The following GRM7 variants were observed in gnomAD, a reference collection of about 807,000 sequenced individuals.
GRM7 encodes metabotropic glutamate receptor 7.
GRM7 carries 35 observed loss-of-function variants against 84.5 expected under a neutral mutation model. That is an observed-to-expected ratio of 0.41 (90% CI 0.32 to 0.55). The LOEUF (loss-of-function observed/expected upper bound fraction) is 0.55, where lower values mean the gene tolerates loss of function less well. Among genes scored for constraint, GRM7 ranks in the 20% least tolerant of loss-of-function variants. The probability of loss-of-function intolerance (pLI) is 0.19; values close to 1 mark genes in which losing one functional copy is unlikely to be tolerated. For missense variants in GRM7, 1,003 were observed against 1,194.6 expected, an observed-to-expected ratio of 0.84 and a Z score of 2.36; for synonymous variants, 487 against 455.1, an observed-to-expected ratio of 1.07 and a Z score of -0.89.
intron 4 of GRM7, among the ~76,000 whole-genome samples, chr3:7,318,202 G>GT (rs1237824285): frequency 4.6e-5 from 7 of 151,982 alleles, no homozygotes; most frequent in South Asian, 4.1e-4. Context: ...CAATTTATTT[G>GT]TTTTTTTATC....
chr3:7,625,913 G>A (rs772561693), intron 8 of GRM7, among the ~76,000 whole-genome samples: 1 of 152,136 alleles, frequency 6.6e-6, no homozygotes, highest in Non-Finnish European at 1.5e-5. Context: ...AGAAAAGGGT[G>A]AGAAAGGACT....
chr3:7,352,308 G>C (rs1013699350), intron 4 of GRM7, among the ~76,000 whole-genome samples: 2 of 152,034 alleles, frequency 1.3e-5, no homozygotes, highest in Non-Finnish European at 2.9e-5. Context: ...GAAGCAAGGA[G>C]TTCAGTGACT....
chr3:7,669,746 T>C (rs896743207), intron 8 of GRM7, among the ~76,000 whole-genome samples: 11 of 152,220 alleles, frequency 7.2e-5, no homozygotes, highest in African/African-American at 2.4e-4. Flanking sequence ...AAATGGGTCT[T>C]GGGAAGGCAA....
intron 1 of GRM7, among the ~76,000 whole-genome samples, chr3:7,008,250 G>A (rs903884718): frequency 4.6e-5 from 7 of 152,166 alleles, no homozygotes; most frequent in African/African-American, 1.7e-4. Context: ...TGGCTGTGCA[G>A]CATTTATGCA....
chr3:6,925,417 G>C (rs1189431035), intron 1 of GRM7, among the ~76,000 whole-genome samples: 1 of 151,746 alleles, frequency 6.6e-6, no homozygotes, highest in Non-Finnish European at 1.5e-5. Flanking sequence ...AGAAGGTTAC[G>C]TTGTTTTATC....
intron 1 of GRM7, among the ~76,000 whole-genome samples, chr3:6,866,916 A>C (rs147404032): frequency 1.3e-5 from 2 of 152,172 alleles, no homozygotes; most frequent in Non-Finnish European, 2.9e-5. Flanking sequence ...TGGGAACACT[A>C]TCTCCTCTCT....
Position 7,238,649 on chromosome 3 carries a change from A to T in GRM7, c.737-60035A>T, listed in dbSNP as rs113116429. 3.2e-3 allele frequency among the ~76,000 whole-genome samples: 483 copies of T among 152,300 alleles called. 1 individual carries two copies. Among genetic ancestry groups the T allele is most frequent in the Non-Finnish European group, 5.9e-3 (398 of 68,026 alleles). ...CCTAAAGCCATTTAACATATTCAAAAGTCAGGTGGGACTGTGGCCAGCTTG... is the reference window on the plus strand; with the variant it reads ...CCTAAAGCCATTTAACATATTCAAATGTCAGGTGGGACTGTGGCCAGCTTG... On this transcript the variant is annotated intron_variant, in intron 2 of 9. Transcript: ENST00000357716.
At chr3:7,726,879 A>G (rs1045446675) in intron 9 of GRM7, among the ~76,000 whole-genome samples, 1 of 151,306 alleles carries the variant, frequency 6.6e-6, no homozygotes, top group African/African-American at 2.4e-5. Context: ...AAAAAAATCT[A>G]TGTTGTAATC....
At chr3:7,132,038 C>T (rs149014920) in intron 1 of GRM7, among the ~76,000 whole-genome samples, 1 of 152,246 alleles carries the variant, frequency 6.6e-6, no homozygotes, top group Non-Finnish European at 1.5e-5. Flanking sequence ...CTTTCATTTG[C>T]TCTTTTGCTA....
chr3:7,276,807 T>C (rs1461911932), intron 2 of GRM7, among the ~76,000 whole-genome samples: 1 of 70 alleles, frequency 0.014, no homozygotes, highest in East Asian at 0.17. Flanking sequence ...TCCTTCCTTT[T>C]TGGTGGTGGC....
chr3:7,455,433 G>C (rs1697966870), intron 6 of GRM7, among the ~76,000 whole-genome samples: 1 of 152,106 alleles, frequency 6.6e-6, no homozygotes, highest in African/African-American at 2.4e-5. Flanking sequence ...AAAACTGGGA[G>C]ATAGCACGTA....
intron 5 of GRM7, among the ~76,000 whole-genome samples, chr3:7,448,143 C>A (rs1047314317): frequency 6.6e-6 from 1 of 151,726 alleles, no homozygotes; most frequent in African/African-American, 2.4e-5. Context: ...TTAATCCGGT[C>A]TATCATTGTT....
At chr3:7,179,271 G>T (rs1453122501) in intron 2 of GRM7, among the ~76,000 whole-genome samples, 1 of 152,096 alleles carries the variant, frequency 6.6e-6, no homozygotes, top group Non-Finnish European at 1.5e-5. Flanking sequence ...ACACCATGGG[G>T]CATGAGCAAG....
rs188480948 is a variant in GRM7 at position 7,471,745 on chromosome 3, A to C, written c.1515+10023A>C. On this transcript the variant is annotated intron_variant, in intron 7 of 9. Coordinates refer to ENST00000357716, the MANE Select transcript of GRM7 (RefSeq NM_000844.4). ...TGTAACATATTTATAGGTTCCAAAA[A>C]TTAGAACATAGACATCTTTCTGGGG... Among the ~76,000 whole-genome samples, 1,257 of 152,314 alleles carry C rather than the reference A, an allele frequency of 8.3e-3. 6 individuals are homozygous for C. Among genetic ancestry groups the C allele is most frequent in the Non-Finnish European group, 0.014 (941 of 68,036 alleles).
intron 2 of GRM7, among the ~76,000 whole-genome samples, chr3:7,264,524 A>G (rs1698559414): frequency 7.3e-6 from 1 of 136,684 alleles, no homozygotes; most frequent in Non-Finnish European, 1.6e-5. Flanking sequence ...AGGGCCAGGA[A>G]TAAGTCCCCA....
At chr3:7,668,811 C>CAAGT (rs1023450005) in intron 8 of GRM7, among the ~76,000 whole-genome samples, 8 of 152,310 alleles carry the variant, frequency 5.3e-5, no homozygotes, top group Admixed American at 3.9e-4. Flanking sequence ...GAGTGAGGAC[C>CAAGT]ACTTCATTCA....
intron 7 of GRM7, among the ~76,000 whole-genome samples, chr3:7,512,995 A>G (rs768718031): frequency 2.6e-4 from 40 of 152,198 alleles, no homozygotes; most frequent in Non-Finnish European, 4.9e-4. Context: ...AAATGGAACT[A>G]TTGTTTACAG....
At chr3:7,518,504 G>A (rs1217616584) in intron 7 of GRM7, among the ~76,000 whole-genome samples, 5 of 152,142 alleles carry the variant, frequency 3.3e-5, no homozygotes. Flanking sequence ...TCATATCAAG[G>A]TTTCTTTCTC....
chr3:7,607,450 A>G (rs1380134360), intron 8 of GRM7: 2 of 152,204 alleles, frequency 1.3e-5, no homozygotes, highest in African/African-American at 4.8e-5. Context: ...AAGAAAACCA[A>G]AACAAAACAA....
Sources: allele counts gnomAD v4.1 joint callset (sites outside exome capture counted in the v4.1 genomes callset), GRCh38; gene constraint gnomAD v4.1.1; transcripts MANE v1.5; gene names NCBI Gene and HGNC (gene_info 2026-07-23, HGNC 2026-07-21).